Variants in DOCK7 observed in about 807,000 individuals in gnomAD.
The protein encoded by DOCK7 is dedicator of cytokinesis protein 7.
Under a neutral mutation model 271.0 loss-of-function variants are expected in DOCK7, and 138 were observed. That is an observed-to-expected ratio of 0.51 (90% CI 0.44 to 0.59). DOCK7 has a LOEUF of 0.59. Among genes scored for constraint, DOCK7 ranks in the 20% least tolerant of loss-of-function variants. DOCK7 has a pLI of 0.00. For missense variants in DOCK7, 2,066 were observed against 2,592.4 expected (o/e 0.80, Z 4.41); for synonymous variants, 823 against 876.1 (o/e 0.94, Z 1.07).
intron 1 of DOCK7, among the ~76,000 whole-genome samples, chr1:62,673,960 G>A (rs1660279354): frequency 6.6e-6 from 1 of 151,256 alleles, no homozygotes; most frequent in Admixed American, 6.6e-5. Context: ...GGGAAGGGGG[G>A]GAGGTAGGGA....
intron 19 of DOCK7, among the ~76,000 whole-genome samples, chr1:62,560,504 GC>G (rs1374247000): frequency 6.6e-6 from 1 of 152,070 alleles, no homozygotes; most frequent in African/African-American, 2.4e-5. Context: ...CCTTAGCATG[GC>G]CCCAAAAGTA....
At chr1:62,655,477 T>C (rs1167439879) in intron 2 of DOCK7, among the ~76,000 whole-genome samples, 1 of 151,080 alleles carries the variant, frequency 6.6e-6, no homozygotes, top group Non-Finnish European at 1.5e-5. Flanking sequence ...CAGGCTAGAG[T>C]GCAATGGTGC....
At chr1:62,655,206 ACTTCTTATCT>A (rs957881844) in intron 2 of DOCK7, among the ~76,000 whole-genome samples, 6 of 152,140 alleles carry the variant, frequency 3.9e-5, no homozygotes. Context: ...AAAATACCAT[ACTTCTTATCT>A]AGTTCGAAAA....
At chr1:62,645,845 A>G (rs1035057578) in intron 7 of DOCK7, among the ~76,000 whole-genome samples, 4 of 152,196 alleles carry the variant, frequency 2.6e-5, no homozygotes, top group African/African-American at 9.6e-5. Context: ...TTGTTCAGTC[A>G]TACAAAAAAA....
intron 4 of DOCK7, among the ~76,000 whole-genome samples, chr1:62,651,363 T>C (rs1657337970): frequency 6.8e-6 from 1 of 147,462 alleles, no homozygotes; most frequent in Non-Finnish European, 1.5e-5. Flanking sequence ...GACGAGTTAA[T>C]GGGTGCAGCA....
In DOCK7 at chr1:62,495,635, A is replaced by G. The variant is rs1553155968; in HGVS notation, c.4970T>C (p.Val1657Ala). Reference protein sequence around the residue: ...FNLHMILSDTVKMKEHQEDPE... With the variant: ...FNLHMILSDTAKMKEHQEDPE... ...ATCCTCCTGGTGTTCCTTCATTTTCACAGTATCAGAAAGAATCATATGGAG... is the reference window on the plus strand; with the variant it reads ...ATCCTCCTGGTGTTCCTTCATTTTCGCAGTATCAGAAAGAATCATATGGAG... Residue 1657 changes from valine to alanine, a missense_variant, in exon 39 of 50, where the codon GTG becomes GCG. Physicochemically the swap from Val to Ala is moderately conservative, Grantham distance 64. This residue lies in a region of DOCK7 where 652 missense variants were observed against 922.1 expected (regional missense o/e 0.71). Transcript: ENST00000635253. The G allele has an allele frequency of 6.3e-7, 1 of 1,590,492 alleles. No homozygotes were observed. Among genetic ancestry groups the G allele is most frequent in the South Asian group, 1.2e-5 (1 of 85,772 alleles).
intron 14 of DOCK7, among the ~76,000 whole-genome samples, chr1:62,606,813 A>G (rs1298702442): frequency 6.6e-6 from 1 of 152,084 alleles, no homozygotes; most frequent in East Asian, 1.9e-4. Context: ...AAGTTCCAAA[A>G]TCTACATATT....
intron 1 of DOCK7, among the ~76,000 whole-genome samples, chr1:62,679,961 C>T (rs1484024392): frequency 1.3e-5 from 2 of 152,118 alleles, no homozygotes; most frequent in Non-Finnish European, 2.9e-5. Context: ...GGCCATACTG[C>T]CCAAGGTAAT....
Position 62,475,202 on chromosome 1 carries a change from A to T in DOCK7, c.6105+6T>A, listed in dbSNP as rs1472760076. On this transcript the variant is annotated splice_donor_region_variant and intron_variant, in intron 47 of 49. Transcript: ENST00000635253. ...AAATCACACAGTGCTAGCAAAAAGC[A>T]CTAACCTGATTCACTGTGGTGCCTA... The T allele has an allele frequency of 1.2e-6, 2 of 1,612,544 alleles. No individual in the cohort carries two copies. Among genetic ancestry groups the T allele is most frequent in the South Asian group, 1.1e-5 (1 of 90,778 alleles).
intron 14 of DOCK7, among the ~76,000 whole-genome samples, chr1:62,610,491 A>T (rs1651629628): frequency 6.6e-6 from 1 of 152,070 alleles, no homozygotes; most frequent in South Asian, 2.1e-4. Flanking sequence ...TTATACTTTA[A>T]GTTCTGGGAT....
At chr1:62,687,014 A>G (rs1435825565) in intron 1 of DOCK7, among the ~76,000 whole-genome samples, 5 of 152,112 alleles carry the variant, frequency 3.3e-5, no homozygotes, top group Non-Finnish European at 1.5e-5. Flanking sequence ...TCCTGGCCTC[A>G]AGCGATCCTC....
chr1:62,592,563 A>G (rs1403691242), intron 14 of DOCK7, among the ~76,000 whole-genome samples: 3 of 152,222 alleles, frequency 2.0e-5, no homozygotes, highest in African/African-American at 7.2e-5. Flanking sequence ...ATAACAAAGA[A>G]TTAGTATCCA....
intron 31 of DOCK7, among the ~76,000 whole-genome samples, chr1:62,516,330 A>G (rs1644660903): frequency 6.6e-6 from 1 of 152,224 alleles, no homozygotes; most frequent in African/African-American, 2.4e-5. Context: ...ATTAGTATCC[A>G]GAACAGTCTC....
At chr1:62,604,037 G>T in intron 14 of DOCK7, 1 of 1,612,982 alleles carries the variant, frequency 6.2e-7, no homozygotes, top group Non-Finnish European at 8.5e-7. Context: ...TTTACGAATT[G>T]AGTTGGAAGA....
chr1:62,608,709 T>C (rs1651356116), intron 14 of DOCK7: 1 of 152,210 alleles, frequency 6.6e-6, no homozygotes, highest in Non-Finnish European at 1.5e-5. Flanking sequence ...AGTATGAATT[T>C]TACTGAAACC....
chr1:62,484,903 G>A (rs747911814), intron 43 of DOCK7: 1 of 153,442 alleles, frequency 6.5e-6, no homozygotes, highest in Non-Finnish European at 1.4e-5. Flanking sequence ...ACTTTGGGAG[G>A]CTGAGGCAGG....
intron 1 of DOCK7, among the ~76,000 whole-genome samples, chr1:62,670,828 C>G (rs561547157): frequency 1.3e-5 from 2 of 152,090 alleles, no homozygotes; most frequent in Admixed American, 6.5e-5. Flanking sequence ...GCAGGCTGCC[C>G]GAGCCAGCAT....
At chr1:62,627,528 C>T (rs559657507) in intron 11 of DOCK7, 1 of 151,946 alleles carries the variant, frequency 6.6e-6, no homozygotes, top group African/African-American at 2.4e-5. Context: ...ATTTAGTAAA[C>T]AAATTCAAAA....
Position 62,600,713 on chromosome 1 carries a change from C to T in DOCK7, c.1683-14089G>A, listed in dbSNP as rs1238490728. Among the ~76,000 whole-genome samples, 4 of 151,696 alleles carry T rather than the reference C, an allele frequency of 2.6e-5. 1 individual carries two copies. The East Asian group carries it at 5.8e-4, about 22-fold the overall frequency. ...TCACAGGTCTGAAGATCAGTAAGAC[C>T]TAAAACTGAAAATTATTAAACTTAA... On this transcript the variant is annotated intron_variant, in intron 14 of 49. Coordinates refer to ENST00000635253, the MANE Select transcript of DOCK7 (RefSeq NM_001367561.1).
Sources: allele counts gnomAD v4.1 joint callset (sites outside exome capture counted in the v4.1 genomes callset), GRCh38; gene constraint gnomAD v4.1.1; regional missense constraint gnomAD v4.1.1; transcripts MANE v1.5; gene names NCBI Gene and HGNC (gene_info 2026-07-23, HGNC 2026-07-21).